PLEKHH2: variants seen among roughly 807,000 people sequenced by gnomAD.
The protein encoded by PLEKHH2 is pleckstrin homology, MyTH4 and FERM domain containing H2.
A neutral mutation model predicts 187.9 loss-of-function variants in PLEKHH2; 129 were observed. That is an observed-to-expected ratio of 0.69 (90% CI 0.59 to 0.79). PLEKHH2 has a LOEUF of 0.79. Ranked by LOEUF, PLEKHH2 falls within the 30% of genes least tolerant of loss-of-function variation. PLEKHH2 has a pLI of 0.00. For missense variants in PLEKHH2, 2,076 were observed against 1,751.2 expected (o/e 1.19, Z -3.31); for synonymous variants, 686 against 605.6 (o/e 1.13, Z -1.95).
chr2:43,681,130 A>G (rs1180098218), intron 3 of PLEKHH2: 4 of 841,136 alleles, frequency 4.8e-6, no homozygotes, highest in South Asian at 1.5e-5. Context: ...AACCAAGTCA[A>G]GGAGCCTCCT....
intron 23 of PLEKHH2, among the ~76,000 whole-genome samples, chr2:43,744,810 G>C (rs1671709039): frequency 6.7e-6 from 1 of 148,920 alleles, no homozygotes; most frequent in South Asian, 2.1e-4. Flanking sequence ...CGAGGCTGCA[G>C]TGAGCCGTGA....
intron 1 of PLEKHH2, 65 bp downstream of exon 1, chr2:43,637,444 T>G (rs1326701251): frequency 6.6e-6 from 1 of 152,264 alleles, no homozygotes; most frequent in Admixed American, 6.5e-5. Flanking sequence ...CCCGCCCCCT[T>G]GAGGGCGCCC....
intron 2 of PLEKHH2, among the ~76,000 whole-genome samples, chr2:43,647,306 A>G (rs1325618217): frequency 6.6e-6 from 1 of 152,254 alleles, no homozygotes; most frequent in African/African-American, 2.4e-5. Flanking sequence ...CCACATTTAC[A>G]GAAGAGGAAA....
intron 2 of PLEKHH2, among the ~76,000 whole-genome samples, chr2:43,656,788 C>T (rs1347252758): frequency 5.3e-5 from 8 of 152,172 alleles, no homozygotes; most frequent in African/African-American, 9.6e-5. Flanking sequence ...GAGGCTGAGG[C>T]GGGTGGATCA....
Position 43,700,126 on chromosome 2 carries a change from T to C in PLEKHH2, c.1168T>C (p.Phe390Leu), listed in dbSNP as rs1488173767. The change falls in exon 8 of 30, where the codon TTT becomes CTT. Residue 390 changes from phenylalanine to leucine, a missense_variant. Physicochemically the swap from Phe to Leu is conservative, Grantham distance 22 (BLOSUM62 0). Transcript: ENST00000282406. ...TTCCTCGGATGAACTGAATAAAAAA[T>C]TTCAATCCCAGAGACTCGATTATTC... is the stretch of plus-strand genomic sequence containing the variant. ...DSSSDELNKKFQSQRLDYSSS... is the reference protein window; with the variant it reads ...DSSSDELNKKLQSQRLDYSSS... 1.2e-6 allele frequency: 2 copies of C among 1,614,088 alleles called. No individual in the cohort carries two copies. The highest frequency in any genetic ancestry group is 1.7e-6 in the Non-Finnish European group (2 of 1,180,010).
chr2:43,682,431 C>T (rs1033657568), intron 3 of PLEKHH2, among the ~76,000 whole-genome samples: 4 of 152,018 alleles, frequency 2.6e-5, no homozygotes, highest in East Asian at 1.9e-4. Context: ...CTCAGCCTCC[C>T]GAGTAGCTGG....
In PLEKHH2 at chr2:43,705,412, T is replaced by C. The variant is rs111937011; in HGVS notation, c.1727-910T>C. On this transcript the variant is annotated intron_variant, in intron 9 of 29. Transcript: ENST00000282406. ...TTAGGATGACAGGTGCATACCACCA[T>C]GCCTTGATACTTTTTAAGATTTTTT... is the stretch of plus-strand genomic sequence containing the variant. Among the ~76,000 whole-genome samples, 172 of 151,754 alleles carry C rather than the reference T, an allele frequency of 1.1e-3. 1 individual carries two copies. The highest frequency in any genetic ancestry group is 3.9e-3 in the African/African-American group (162 of 41,392).
intron 2 of PLEKHH2, among the ~76,000 whole-genome samples, chr2:43,677,693 C>T (rs1667892805): frequency 6.6e-6 from 1 of 151,878 alleles, no homozygotes; most frequent in Non-Finnish European, 1.5e-5. Context: ...CATCATGGCC[C>T]GTTCTCAATG....
intron 22 of PLEKHH2, 65 bp from the exon 23 acceptor site, chr2:43,743,769 C>A: frequency 7.0e-7 from 1 of 1,427,708 alleles, no homozygotes; most frequent in Non-Finnish European, 9.5e-7. Flanking sequence ...CTGTTTCATC[C>A]TTAAAATCTC....
At chr2:43,732,905 A>T (rs1034377252) in intron 19 of PLEKHH2, among the ~76,000 whole-genome samples, 2 of 152,240 alleles carry the variant, frequency 1.3e-5, no homozygotes, top group Admixed American at 6.5e-5. Context: ...TCTGACGCCA[A>T]TAAAAATTCA....
chr2:43,742,700 T>G (rs757685958), intron 21 of PLEKHH2, 41 bp from the exon 22 acceptor site: 2 of 1,403,208 alleles, frequency 1.4e-6, no homozygotes, highest in Non-Finnish European at 1.9e-6. Flanking sequence ...GGTTGTCAAT[T>G]AAATTTATTC....
At chr2:43,765,362 A>T (rs762784949) in intron 29 of PLEKHH2, 51 bp from the exon 30 acceptor site, 2 of 1,562,072 alleles carry the variant, frequency 1.3e-6, no homozygotes, top group Non-Finnish European at 1.7e-6. Flanking sequence ...TCTCTTCTGG[A>T]AGTGATGAGA....
At chr2:43,696,847 C>T (rs1669117241) in intron 6 of PLEKHH2, among the ~76,000 whole-genome samples, 1 of 152,174 alleles carries the variant, frequency 6.6e-6, no homozygotes, top group South Asian at 2.1e-4. Context: ...CTTGACTTTG[C>T]AGGAAGCTAG....
intron 3 of PLEKHH2, 102 bp downstream of exon 3, chr2:43,679,027 T>G (rs1246195331): frequency 1.4e-6 from 1 of 701,652 alleles, no homozygotes; most frequent in African/African-American, 1.8e-5. Context: ...CTCTACATCT[T>G]ATCTTTTTGA....
chr2:43,639,460 C>CTT lies in PLEKHH2; in HGVS notation c.-4+2082_-4+2083insTT, dbSNP rs111818357. 5.0e-3 allele frequency among the ~76,000 whole-genome samples: 759 copies of CTT among 152,278 alleles called. 6 individuals are homozygous for CTT. The highest frequency in any genetic ancestry group is 0.018 in the African/African-American group (734 of 41,560). ...CTCACAGCCCTTGGCAACCACTAAC[C>CTT]TACTTTCTGTCCTTTGGATTTGCCT... On this transcript the variant is annotated intron_variant, in intron 1 of 29. Transcript: ENST00000282406.
At chr2:43,762,991 A>T (rs961378214) in intron 28 of PLEKHH2, among the ~76,000 whole-genome samples, 9 of 152,160 alleles carry the variant, frequency 5.9e-5, no homozygotes, top group Non-Finnish European at 8.8e-5. Context: ...TGGCAGGTCT[A>T]ATCCTGTGGC....
At chr2:43,751,567 G>A (rs1319098319) in intron 24 of PLEKHH2, among the ~76,000 whole-genome samples, 17 of 152,180 alleles carry the variant, frequency 1.1e-4, no homozygotes, top group Admixed American at 1.0e-3. Flanking sequence ...CCACAGTGAC[G>A]CAATTTCCAT....
At chr2:43,731,144 G>A (rs545847234) in intron 18 of PLEKHH2, among the ~76,000 whole-genome samples, 9 of 152,226 alleles carry the variant, frequency 5.9e-5, no homozygotes, top group African/African-American at 1.7e-4. Flanking sequence ...GGGTGGGAAG[G>A]GGGTGAGGCA....
chr2:43,664,096 G>A (rs1422320516), intron 2 of PLEKHH2, among the ~76,000 whole-genome samples: 1 of 21,906 alleles, frequency 4.6e-5, no homozygotes, highest in Non-Finnish European at 9.2e-5. Context: ...CATTATTAAT[G>A]TGTGGGAGTC....
Sources: allele counts gnomAD v4.1 joint callset (sites outside exome capture counted in the v4.1 genomes callset), GRCh38; gene constraint gnomAD v4.1.1; transcripts MANE v1.5; gene names NCBI Gene and HGNC (gene_info 2026-07-23, HGNC 2026-07-21).